Variants in RSF1 observed in about 807,000 individuals in gnomAD.
The protein encoded by RSF1 is HBV pX-associated protein 8.
A neutral mutation model predicts 145.2 loss-of-function variants in RSF1; 13 were observed. The observed-to-expected ratio is 0.09, with a 90% CI of 0.06 to 0.14. The LOEUF is 0.14. RSF1 is among the 10% of genes least tolerant of loss of function. RSF1 has a pLI of 1.00. For missense variants in RSF1, 1,517 were observed against 1,718.2 expected, an observed-to-expected ratio of 0.88 and a Z score of 2.07; for synonymous variants, 577 against 592.6, an observed-to-expected ratio of 0.97 and a Z score of 0.38.
the RSF1 span, among the ~76,000 whole-genome samples, chr11:77,862,455 G>A: frequency 4.6e-5 from 7 of 152,156 alleles, no homozygotes; most frequent in South Asian, 2.1e-4. Flanking sequence ...AAAAAGGTAC[G>A]TGTACTCTGG....
rs12286208 is a variant in RSF1, at chr11:77,733,596, C to G, written c.578+7135G>C. The stretch of plus-strand genomic sequence containing the variant: ...TTTTTTTGAGACACAGGGTCTCACT[C>G]TGTTGCCCAGGCTAGAGTGCAGTGG... On this transcript the variant is annotated intron_variant, in intron 4 of 15. Coordinates refer to ENST00000308488, the MANE Select transcript of RSF1 (RefSeq NM_016578.4). Among the ~76,000 whole-genome samples the G allele has an allele frequency of 1.5e-3, 211 of 142,062 alleles. 1 individual carries two copies. Among genetic ancestry groups the G allele is most frequent in the African/African-American group, 5.5e-3 (207 of 37,914 alleles). The allele number at this position is 142,062 out of a possible 152,430, so 93.2% of individuals were successfully genotyped here.
intron 9 of RSF1, among the ~76,000 whole-genome samples, chr11:77,686,234 T>C (rs576929901): frequency 2.0e-5 from 3 of 151,570 alleles, no homozygotes; most frequent in African/African-American, 7.3e-5. Context: ...GACGCCTGTT[T>C]CTATAAAAAT....
At chr11:77,734,352 T>A (rs1961284991) in intron 4 of RSF1, 1 of 641,490 alleles carries the variant, frequency 1.6e-6, no homozygotes, top group Non-Finnish European at 2.7e-6. Flanking sequence ...ATGGCACAAA[T>A]CAAAGAACTT....
chr11:77,667,956 G>A (rs2135805631), intron 15 of RSF1, among the ~76,000 whole-genome samples: 1 of 151,612 alleles, frequency 6.6e-6, no homozygotes. Context: ...ATCTGCCTTG[G>A]CCTCCCAAAG....
intron 9 of RSF1, among the ~76,000 whole-genome samples, chr11:77,690,352 A>T (rs1405512102): frequency 6.6e-6 from 1 of 152,148 alleles, no homozygotes; most frequent in African/African-American, 2.4e-5. Flanking sequence ...ACCAGTTCTT[A>T]TAGTTTTTTT....
intron 7 of RSF1, among the ~76,000 whole-genome samples, chr11:77,697,397 A>G (rs1356827994): frequency 6.7e-6 from 1 of 149,228 alleles, no homozygotes; most frequent in Admixed American, 6.8e-5. Context: ...TAGGTATAAC[A>G]AGGCTACTTC....
At chr11:77,731,229 C>T (rs1210264534) in intron 4 of RSF1, among the ~76,000 whole-genome samples, 1 of 152,154 alleles carries the variant, frequency 6.6e-6, no homozygotes, top group Non-Finnish European at 1.5e-5. Context: ...TACGTTTTAG[C>T]AGAGACTGGT....
intron 1 of RSF1, among the ~76,000 whole-genome samples, chr11:77,765,615 C>T (rs1240552219): frequency 1.3e-5 from 2 of 152,156 alleles, no homozygotes; most frequent in East Asian, 3.8e-4. Context: ...TGAGGACTGC[C>T]GTATCTTCCC....
intron 5 of RSF1, among the ~76,000 whole-genome samples, chr11:77,709,037 A>AT (rs1032910338): frequency 6.6e-6 from 1 of 152,252 alleles, no homozygotes; most frequent in Non-Finnish European, 1.5e-5. Flanking sequence ...TTTGGAAGAT[A>AT]AACCCTGGTC....
At chr11:77,766,532 C>T (rs867171046) in intron 1 of RSF1, among the ~76,000 whole-genome samples, 1 of 151,858 alleles carries the variant, frequency 6.6e-6, no homozygotes, top group African/African-American at 2.4e-5. Flanking sequence ...GAACAGTGTT[C>T]AAAGACAAGT....
At position 77,787,006 on chromosome 11, in the gene RSF1, G is replaced by A. The variant is rs112184088; in HGVS notation, c.188-22317C>T. Among the ~76,000 whole-genome samples the A allele has an allele frequency of 6.5e-3, 989 of 152,302 alleles. 11 individuals are homozygous for A. The highest frequency in any genetic ancestry group is 0.023 in the African/African-American group (952 of 41,572). On this transcript the variant is annotated intron_variant, in intron 1 of 15. Coordinates refer to ENST00000308488, the MANE Select transcript of RSF1 (RefSeq NM_016578.4). ...CTCCCTTAGAGAGATGAGGTTAAGAGTCAAGAAGGCAAAGGTAGAATTAAC... is the reference window on the plus strand; with the variant it reads ...CTCCCTTAGAGAGATGAGGTTAAGAATCAAGAAGGCAAAGGTAGAATTAAC...
intron 1 of RSF1, among the ~76,000 whole-genome samples, chr11:77,764,978 C>T (rs1353857068): frequency 6.6e-6 from 1 of 152,014 alleles, no homozygotes; most frequent in Non-Finnish European, 1.5e-5. Context: ...AATTATATGT[C>T]AATGTAGGTT....
At chr11:77,822,240 G>T (rs1301741126), upstream of RSF1, among the ~76,000 whole-genome samples, 2 of 151,890 alleles carry the variant, frequency 1.3e-5, no homozygotes, top group African/African-American at 2.4e-5. Flanking sequence ...TGCAGTTCCA[G>T]ACCAGCCTGG....
intron 9 of RSF1, among the ~76,000 whole-genome samples, chr11:77,686,424 A>AAAAAAAAAAAAAAAAAAAC: frequency 6.7e-6 from 1 of 149,960 alleles, no homozygotes; most frequent in Non-Finnish European, 1.5e-5. Flanking sequence ...AAAAAAAAAA[A>AAAAAAAAAAAAAAAAAAAC]AAAAGCAGGT....
At chr11:77,668,245 G>A (rs1226040593) in intron 15 of RSF1, among the ~76,000 whole-genome samples, 1 of 151,002 alleles carries the variant, frequency 6.6e-6, no homozygotes, top group African/African-American at 2.4e-5. Context: ...CAAGTGATCT[G>A]CCCATCTTGG....
Position 77,666,811 on chromosome 11 carries a change from A to G in RSF1, c.*106T>C. 1 of 890,916 alleles carries G rather than the reference A, an allele frequency of 1.1e-6. No homozygotes were observed. Among genetic ancestry groups the G allele is most frequent in the Non-Finnish European group, 1.6e-6 (1 of 613,074 alleles). The allele number at this position is 890,916 out of a possible 1,614,324, so 55.2% of individuals were successfully genotyped here. On this transcript the variant is annotated 3_prime_UTR_variant, in exon 16 of 16. Transcript: ENST00000308488. ...TGTTGAAATTTTTCTTCTAAAAGTC[A>G]TTCTGTAGTGGAGTTTTCTAGGAAA...
At chr11:77,725,496 T>C (rs1407715131) in intron 5 of RSF1, 49 bp downstream of exon 5, 18 of 1,396,048 alleles carry the variant, frequency 1.3e-5, no homozygotes, top group Admixed American at 2.8e-5. Context: ...AGTGGAAGAA[T>C]ATGGAAGAGA....
intron 4 of RSF1, among the ~76,000 whole-genome samples, chr11:77,726,547 C>A (rs1007763013): frequency 7.9e-5 from 12 of 152,144 alleles, no homozygotes; most frequent in African/African-American, 2.9e-4. Flanking sequence ...AGAAAACTCA[C>A]TTGGATATTT....
the RSF1 span, among the ~76,000 whole-genome samples, chr11:77,828,544 G>A: frequency 3.3e-5 from 5 of 150,594 alleles, no homozygotes; most frequent in Non-Finnish European, 3.0e-5. Context: ...GGTAGTGGGC[G>A]CCTGTAGTCC....
Sources: gnomAD v4.1 joint callset for allele counts (sites outside exome capture counted in the v4.1 genomes callset) on GRCh38, gnomAD v4.1.1 for gene constraint, MANE v1.5 for transcripts, NCBI Gene and HGNC (gene_info 2026-07-23, HGNC 2026-07-21) for gene names.